ZNF83: variants seen among roughly 807,000 people sequenced by gnomAD.
The protein encoded by ZNF83 is zinc finger protein 816B.
For synonymous variants in ZNF83, 209 were observed against 213.0 expected (o/e 0.98, Z 0.17); for missense variants, 552 against 629.9 (o/e 0.88, Z 1.32).
intron 1 of ZNF83, among the ~76,000 whole-genome samples, chr19:52,688,378 T>C (rs1351299293): frequency 6.6e-6 from 1 of 151,822 alleles, no homozygotes; most frequent in Non-Finnish European, 1.5e-5. Context: ...CTCACTATGT[T>C]GTGCAGGCTG....
At chr19:52,671,604 G>A (rs373919322) in intron 1 of ZNF83, among the ~76,000 whole-genome samples, 382 of 152,166 alleles carry the variant, frequency 2.5e-3, no homozygotes, top group Non-Finnish European at 4.0e-3. Context: ...CACCAAGCCT[G>A]GCTAATTTGT....
chr19:52,645,882 A>G (rs951329897), intron 3 of ZNF83, among the ~76,000 whole-genome samples: 2 of 151,766 alleles, frequency 1.3e-5, no homozygotes, highest in Non-Finnish European at 2.9e-5. Context: ...TAAATCTATT[A>G]CACAAGAGAA....
chr19:52,634,414 A>C (rs1371958727), intron 2 of ZNF83, among the ~76,000 whole-genome samples: 1 of 152,192 alleles, frequency 6.6e-6, no homozygotes, highest in Non-Finnish European at 1.5e-5. Flanking sequence ...AAGCCTCTTA[A>C]CACCACAATC....
chr19:52,645,812 A>C (rs78605468), intron 3 of ZNF83, among the ~76,000 whole-genome samples: 10 of 121,092 alleles, frequency 8.3e-5, no homozygotes, highest in African/African-American at 3.1e-4. Context: ...GCCCCCCCCC[A>C]AAAAAAGGAT....
intron 1 of ZNF83, among the ~76,000 whole-genome samples, chr19:52,678,470 A>C (rs1050548183): frequency 6.6e-6 from 1 of 151,552 alleles, no homozygotes; most frequent in Admixed American, 6.6e-5. Flanking sequence ...AAAAAGAAAA[A>C]AGAAAAAAAA....
chr19:52,661,052 A>G (rs1378706941), intron 1 of ZNF83, among the ~76,000 whole-genome samples: 1 of 152,084 alleles, frequency 6.6e-6, no homozygotes, highest in African/African-American at 2.4e-5. Context: ...TTTAGTAGAC[A>G]TGGGGTTTCA....
intron 3 of ZNF83, among the ~76,000 whole-genome samples, chr19:52,643,980 C>T (rs2061340819): frequency 6.6e-6 from 1 of 152,114 alleles, no homozygotes; most frequent in South Asian, 2.1e-4. Context: ...TGGACACTGG[C>T]AGGGGCCCTG....
intron 3 of ZNF83, chr19:52,653,394 T>G: frequency 1.1e-6 from 1 of 947,472 alleles, no homozygotes; most frequent in Non-Finnish European, 1.7e-6. Context: ...ATTCATTACA[T>G]GTGTAAGGTT....
chr19:52,631,644 G>A (rs1011083974), intron 2 of ZNF83, among the ~76,000 whole-genome samples: 104 of 152,186 alleles, frequency 6.8e-4, no homozygotes, highest in African/African-American at 2.1e-3. Flanking sequence ...ACATTATTCT[G>A]GATACCACAC....
At chr19:52,646,617 T>C (rs973244172) in intron 3 of ZNF83, among the ~76,000 whole-genome samples, 1 of 151,998 alleles carries the variant, frequency 6.6e-6, no homozygotes, top group Non-Finnish European at 1.5e-5. Flanking sequence ...AGAAAGCAAA[T>C]TTTCCTCTGC....
At chr19:52,614,549 C>T (rs2147053780) in exon 3 of ZNF83, 1 of 1,595,978 alleles carries the variant, frequency 6.3e-7, no homozygotes, top group East Asian at 2.2e-5. Context: ...TGTGCATCAT[C>T]CTTTCTCCCA....
chr19:52,664,414 T>C (rs1466089124), intron 1 of ZNF83, among the ~76,000 whole-genome samples: 1 of 151,986 alleles, frequency 6.6e-6, no homozygotes, highest in African/African-American at 2.4e-5. Flanking sequence ...GAGGATCCGT[T>C]GAACCCAGGA....
chr19:52,652,602 T>C (rs954435521), intron 3 of ZNF83: 1 of 441,062 alleles, frequency 2.3e-6, no homozygotes, highest in Non-Finnish European at 4.6e-6. Flanking sequence ...CTGCAAGCTA[T>C]GAACAATGTC....
chr19:52,618,249 G>A (rs67949199), intron 2 of ZNF83, among the ~76,000 whole-genome samples: 54,947 of 150,936 alleles, frequency 0.36, 10,175 homozygotes, highest in Middle Eastern at 0.49. Flanking sequence ...GTGCCATCAC[G>A]CCTGGATAAT....
chr19:52,679,580 C>G (rs752140477), intron 1 of ZNF83, among the ~76,000 whole-genome samples: 3 of 152,148 alleles, frequency 2.0e-5, no homozygotes, highest in Non-Finnish European at 4.4e-5. Flanking sequence ...CACTGCACTC[C>G]AGCATGGGTG....
intron 3 of ZNF83, among the ~76,000 whole-genome samples, chr19:52,647,762 T>C (rs752785573): frequency 3.4e-4 from 51 of 151,996 alleles, no homozygotes; most frequent in Admixed American, 5.3e-4. Context: ...CTCTTCTGCT[T>C]CATCCTTGGA....
intron 2 of ZNF83, among the ~76,000 whole-genome samples, chr19:52,626,992 T>G (rs446825): frequency 0.23 from 35,656 of 152,084 alleles, 4,862 homozygotes; most frequent in East Asian, 0.54. Context: ...CTGTCTTAAC[T>G]GATTGACCAA....
chr19:52,624,354 T>A (rs2868497), intron 2 of ZNF83, among the ~76,000 whole-genome samples: 34,454 of 152,066 alleles, frequency 0.23, 3,945 homozygotes, highest in South Asian at 0.28. Context: ...AAAACATGCA[T>A]GCTATCCCTG....
intron 2 of ZNF83, among the ~76,000 whole-genome samples, chr19:52,656,386 G>A (rs1307830596): frequency 6.6e-6 from 1 of 152,080 alleles, no homozygotes; most frequent in Non-Finnish European, 1.5e-5. Flanking sequence ...GCTGGGCATG[G>A]TGGGGGAATG....
Sources: gnomAD v4.1 joint callset for allele counts (sites outside exome capture counted in the v4.1 genomes callset) on GRCh38, gnomAD v4.1.1 for gene constraint, MANE v1.5 for transcripts, NCBI Gene and HGNC (gene_info 2026-07-23, HGNC 2026-07-21) for gene names.